SMIM27: variants seen among roughly 807,000 people sequenced by gnomAD.
The protein encoded by SMIM27 is TOPORS antisense RNA 1 (non-protein coding).
Under a neutral mutation model 1.8 loss-of-function variants are expected in SMIM27, and 3 were observed. That is an observed-to-expected ratio of 1.65 (90% CI 0.75 to 4.28). The LOEUF (loss-of-function observed/expected upper bound fraction) is 4.28. Ranked by LOEUF, SMIM27 falls within the 30% of genes most tolerant of loss-of-function variation. The pLI is 0.02. For missense variants in SMIM27, 63 were observed against 37.0 expected (o/e 1.70, Z -1.83); for synonymous variants, 19 against 13.9 (o/e 1.37, Z -0.82).
intron 1 of SMIM27, chr9:32,558,985 T>C (rs375668031): frequency 1.1e-5 from 17 of 1,507,734 alleles, no homozygotes; most frequent in African/African-American, 1.1e-4. Flanking sequence ...GTGTTAATTA[T>C]GGTGTTAAGA....
At chr9:32,566,828 C>T (rs1821806656) in exon 2 of SMIM27, 1 of 891,004 alleles carries the variant, frequency 1.1e-6, no homozygotes, top group South Asian at 1.3e-5. Context: ...TCTGTGGGGG[C>T]CTGCTCATCA....
chr9:32,566,127 C>T (rs1327629765), intron 1 of SMIM27: 8 of 569,776 alleles, frequency 1.4e-5, no homozygotes, highest in South Asian at 2.6e-5. Flanking sequence ...CGAACAAAGA[C>T]GAGAATATGG....
At chr9:32,551,304 T>G (rs1178421227), upstream of SMIM27, 1 of 478,422 alleles carries the variant, frequency 2.1e-6, no homozygotes, top group Non-Finnish European at 3.9e-6. Flanking sequence ...CTGCGGAAAC[T>G]TAGGAAATTA....
exon 2 of SMIM27, chr9:32,566,791 A>T: frequency 1.1e-6 from 1 of 912,066 alleles, no homozygotes; most frequent in Non-Finnish European, 1.8e-6. Flanking sequence ...CTGACGTTGT[A>T]CAGGAGGTCG....
rs1563992291 is a variant in SMIM27 at position 32,558,116 on chromosome 9, C to CTTTTTTTTTTT, written c.45+5637_45+5638insTTTTTTTTTTT. ...CTATAGCTCACACATTCATAGTATA[C>CTTTTTTTTTTT]ATTTTTTTTTTTTGAGACGGAGTCT... On this transcript the variant is annotated intron_variant, in intron 1 of 1. Transcript: ENST00000451672. Among the ~76,000 whole-genome samples the CTTTTTTTTTTT allele has an allele frequency of 5.8e-5, 5 of 86,556 alleles. 1 individual carries two copies. The highest frequency in any genetic ancestry group is 1.8e-4 in the African/African-American group (5 of 27,106). 56.8% of individuals were successfully genotyped at this position (86,556 alleles called of 152,430 possible). A position where few individuals can be genotyped will look rare whatever the true frequency, so the allele number is the denominator to read the frequency against.
At chr9:32,566,471 C>T (rs1417044519) in exon 2 of SMIM27, 7 of 800,010 alleles carry the variant, frequency 8.7e-6, no homozygotes, top group Admixed American at 3.4e-5. Flanking sequence ...CCGTCCATGT[C>T]GAAGGGACCC....
chr9:32,566,857 G>T, exon 2 of SMIM27: 1 of 720,966 alleles, frequency 1.4e-6, no homozygotes, highest in Non-Finnish European at 2.3e-6. Context: ...CTGCCGGGCG[G>T]CCTGGATGAG....
intron 1 of SMIM27, among the ~76,000 whole-genome samples, chr9:32,560,216 A>G (rs1821587656): frequency 6.6e-6 from 1 of 152,234 alleles, no homozygotes; most frequent in Non-Finnish European, 1.5e-5. Context: ...AAAGTAAGGT[A>G]AGTGAGTGGC....
exon 2 of SMIM27, chr9:32,566,531 C>T (rs976709786): frequency 2.6e-6 from 2 of 771,268 alleles, no homozygotes; most frequent in Non-Finnish European, 4.8e-6. Context: ...CCACCCTTGG[C>T]TCCTCTGTTG....
chr9:32,553,922 C>T, downstream of SMIM27: 4 of 1,597,354 alleles, frequency 2.5e-6, no homozygotes. Context: ...AATTACTTCT[C>T]CAGTCTCCAG....
chr9:32,556,598 A>G (rs1171477266), downstream of SMIM27, among the ~76,000 whole-genome samples: 1 of 152,226 alleles, frequency 6.6e-6, no homozygotes, highest in Non-Finnish European at 1.5e-5. Context: ...AAAGAACCAC[A>G]GTGGCAAAAA....
chr9:32,557,338 A>AT (rs36050969), downstream of SMIM27, among the ~76,000 whole-genome samples: 112 of 145,948 alleles, frequency 7.7e-4, no homozygotes, highest in African/African-American at 2.4e-3. Flanking sequence ...TAATTTTTGT[A>AT]TTTTTTTTTT....
chr9:32,554,220 C>G (rs1388497740), downstream of SMIM27, among the ~76,000 whole-genome samples: 1 of 152,160 alleles, frequency 6.6e-6, no homozygotes, highest in Non-Finnish European at 1.5e-5. Flanking sequence ...AAGGGATAAT[C>G]TTTTATTTTG....
intron 1 of SMIM27, among the ~76,000 whole-genome samples, chr9:32,562,921 T>C (rs1821666260): frequency 6.6e-6 from 1 of 152,230 alleles, no homozygotes; most frequent in Admixed American, 6.5e-5. Flanking sequence ...TAATGAAGAA[T>C]TGCATTTAGT....
Position 32,552,468 on chromosome 9 carries a change from A to G in SMIM27, c.34A>G (p.Ile12Val). The change falls in exon 1 of 2, where the codon ATT (isoleucine) becomes GTT (valine). Residue 12 changes from isoleucine to valine, a missense_variant. By Grantham distance (29) the Ile-to-Val change is conservative. Transcript: ENST00000692500. ...KPVSRRTLDWIYSVLLLAIVL... is the reference protein window; with the variant it reads ...KPVSRRTLDWVYSVLLLAIVL... ...AGTAAGTCGTCGCACGCTGGACTGGATTTATTCAGTGGTAAGTCCCGGGGA... is the reference window on the plus strand; with the variant it reads ...AGTAAGTCGTCGCACGCTGGACTGGGTTTATTCAGTGGTAAGTCCCGGGGA... 2 of 1,599,630 alleles carry G rather than the reference A, an allele frequency of 1.3e-6. No homozygotes were observed. The highest frequency in any genetic ancestry group is 1.7e-6 in the Non-Finnish European group (2 of 1,173,646).
chr9:32,551,580 CT>C (rs1821261254), upstream of SMIM27: 1 of 254,322 alleles, frequency 3.9e-6, no homozygotes, highest in Non-Finnish European at 8.4e-6. Context: ...GACTAAAACT[CT>C]TTTAAGATAA....
chr9:32,559,692 G>T (rs938437376), intron 1 of SMIM27, among the ~76,000 whole-genome samples: 1 of 152,024 alleles, frequency 6.6e-6, no homozygotes, highest in Non-Finnish European at 1.5e-5. Flanking sequence ...TCCTCAGAGA[G>T]GCCTAATTAA....
At chr9:32,553,306 A>C (rs1292690745), downstream of SMIM27, 1 of 174,044 alleles carries the variant, frequency 5.7e-6, no homozygotes, top group African/African-American at 2.4e-5. Flanking sequence ...CTCGTGCCTC[A>C]GCCTCCGCAG....
intron 1 of SMIM27, chr9:32,566,188 G>A (rs1821783610): frequency 2.7e-6 from 2 of 750,574 alleles, no homozygotes; most frequent in East Asian, 4.9e-5. Context: ...CTTCAACCTT[G>A]TCTGGGGTTT....
Sources: allele counts gnomAD v4.1 joint callset (sites outside exome capture counted in the v4.1 genomes callset), GRCh38; gene constraint gnomAD v4.1.1; transcripts MANE v1.5; gene names NCBI Gene and HGNC (gene_info 2026-07-23, HGNC 2026-07-21).